MKLN1: variants seen among roughly 807,000 people sequenced by gnomAD.
MKLN1 encodes muskelin 1.
In MKLN1, 18 loss-of-function variants were observed where a neutral mutation model predicts 99.0. The observed-to-expected ratio is 0.18, with a 90% confidence interval of 0.13 to 0.27. The LOEUF (loss-of-function observed/expected upper bound fraction) is 0.27, where lower values mean the gene tolerates loss of function less well. MKLN1 is among the 10% of genes least tolerant of loss of function. The probability of loss-of-function intolerance (pLI) is 1.00; values close to 1 mark genes in which losing one functional copy is unlikely to be tolerated. For missense variants in MKLN1, 621 were observed against 875.9 expected (o/e 0.71, Z 3.67); for synonymous variants, 288 against 293.2 (o/e 0.98, Z 0.18).
intron 1 of MKLN1, among the ~76,000 whole-genome samples, chr7:131,345,718 A>C (rs1273245608): frequency 6.6e-6 from 1 of 152,200 alleles, no homozygotes; most frequent in African/African-American, 2.4e-5. Context: ...TGTCTCAAAA[A>C]AAAAATTTAA....
At chr7:131,276,737 G>A (rs947905861) in intron 3 of MKLN1, among the ~76,000 whole-genome samples, 1 of 152,126 alleles carries the variant, frequency 6.6e-6, no homozygotes, top group African/African-American at 2.4e-5. Context: ...GAGATTTGGG[G>A]GTCATTTGTT....
chr7:131,115,287 A>G (rs1161057781), intron 1 of MKLN1, among the ~76,000 whole-genome samples: 1 of 152,184 alleles, frequency 6.6e-6, no homozygotes, highest in Non-Finnish European at 1.5e-5. Context: ...GCTCAACACA[A>G]AAAGCATGTA....
At chr7:131,449,740 A>G (rs1270888715) in intron 12 of MKLN1, among the ~76,000 whole-genome samples, 1 of 150,876 alleles carries the variant, frequency 6.6e-6, no homozygotes, top group Middle Eastern at 3.2e-3. Flanking sequence ...CTCCTCCCCC[A>G]ACTTTCTCTC....
chr7:131,443,624 A>C lies in MKLN1; in HGVS notation c.1317A>C (p.Lys439Asn). 2 of 1,614,148 alleles carry C rather than the reference A, an allele frequency of 1.2e-6. No homozygotes were observed. The highest frequency in any genetic ancestry group is 1.7e-6 in the Non-Finnish European group (2 of 1,180,000). ...TCAACTGTCAATGTCAAACCTGGAA[A>C]CTTCTTCGAGAGGACTCCTGTAATG... ...FAFNCQCQTWKLLREDSCNAG... is the reference protein window; with the variant it reads ...FAFNCQCQTWNLLREDSCNAG... The change falls in exon 11 of 18, where the codon AAA (lysine) becomes AAC (asparagine). Residue 439 changes from lysine (K) to asparagine (N), a missense_variant. Physicochemically the swap from Lys to Asn is moderately conservative, Grantham distance 94. Around this residue, in one of 8 missense-constraint regions of MKLN1, gnomAD observed 361 missense variants for 540.8 expected, o/e 0.67. Coordinates refer to ENST00000352689, the MANE Select transcript of MKLN1 (RefSeq NM_013255.5).
At chr7:131,201,510 T>C (rs748724765) in intron 2 of MKLN1, among the ~76,000 whole-genome samples, 12 of 152,342 alleles carry the variant, frequency 7.9e-5, no homozygotes, top group Non-Finnish European at 1.6e-4. Flanking sequence ...AGAAGGCTAC[T>C]ACTTCTAGGC....
intron 3 of MKLN1, among the ~76,000 whole-genome samples, chr7:131,317,533 A>G (rs1426217713): frequency 6.6e-6 from 1 of 152,214 alleles, no homozygotes. Context: ...GACACTATGA[A>G]GAAACTGCAT....
intron 3 of MKLN1, among the ~76,000 whole-genome samples, chr7:131,289,347 C>T (rs1029303776): frequency 1.3e-5 from 2 of 152,174 alleles, no homozygotes; most frequent in African/African-American, 4.8e-5. Context: ...TACAAGTAGC[C>T]AGGTGTGGTG....
intron 1 of MKLN1, among the ~76,000 whole-genome samples, chr7:131,359,807 C>CA (rs1799977304): frequency 6.6e-6 from 1 of 151,774 alleles, no homozygotes; most frequent in Non-Finnish European, 1.5e-5. Context: ...GATCTCAGTT[C>CA]ACTGCAACCT....
intron 3 of MKLN1, among the ~76,000 whole-genome samples, chr7:131,299,397 G>C (rs2116615744): frequency 6.6e-6 from 1 of 152,214 alleles, no homozygotes; most frequent in Non-Finnish European, 1.5e-5. Flanking sequence ...GCCAATACAG[G>C]AAATTATAAG....
intron 1 of MKLN1, among the ~76,000 whole-genome samples, chr7:131,356,139 C>A (rs529634290): frequency 6.7e-5 from 10 of 148,252 alleles, no homozygotes; most frequent in African/African-American, 2.0e-4. Flanking sequence ...GCCAAGCAAG[C>A]GACTTGAGAA....
At chr7:131,218,588 G>A (rs967685842) in intron 3 of MKLN1, among the ~76,000 whole-genome samples, 4 of 152,148 alleles carry the variant, frequency 2.6e-5, no homozygotes, top group South Asian at 2.1e-4. Flanking sequence ...CTTCACTGTC[G>A]TAATTTTTGT....
At chr7:131,390,467 T>A (rs185581382) in intron 4 of MKLN1, among the ~76,000 whole-genome samples, 2 of 152,274 alleles carry the variant, frequency 1.3e-5, no homozygotes, top group East Asian at 3.9e-4. Context: ...TTTCCAGCCC[T>A]GTCAGCCTTT....
chr7:131,434,912 A>G (rs906330749), intron 9 of MKLN1, among the ~76,000 whole-genome samples: 7 of 152,170 alleles, frequency 4.6e-5, no homozygotes, highest in Non-Finnish European at 2.9e-5. Flanking sequence ...TTCCAGAGCA[A>G]TGTTAAATAT....
chr7:131,421,514 C>G (rs982214638), intron 8 of MKLN1, among the ~76,000 whole-genome samples: 4 of 152,134 alleles, frequency 2.6e-5, no homozygotes, highest in Non-Finnish European at 2.9e-5. Context: ...CTACCCCTGA[C>G]TTCTTATTCG....
At chr7:131,422,978 A>G (rs972123066) in intron 8 of MKLN1, among the ~76,000 whole-genome samples, 4 of 152,190 alleles carry the variant, frequency 2.6e-5, no homozygotes, top group African/African-American at 9.7e-5. Flanking sequence ...AGATTCTTCA[A>G]CTGTGACTTG....
intron 12 of MKLN1, among the ~76,000 whole-genome samples, chr7:131,459,235 C>A (rs1796440946): frequency 6.6e-6 from 1 of 152,150 alleles, no homozygotes; most frequent in Admixed American, 6.5e-5. Context: ...TGGGGCAGGA[C>A]CCTGCTACAG....
chr7:131,309,697 A>G (rs9649559), intron 3 of MKLN1: 70,080 of 145,018 alleles, frequency 0.48, 17,558 homozygotes, highest in Admixed American at 0.59. Flanking sequence ...ACAGGTGTGA[A>G]CCACCACACT....
chr7:131,279,172 G>A (rs1798015833), intron 3 of MKLN1, among the ~76,000 whole-genome samples: 1 of 152,162 alleles, frequency 6.6e-6, no homozygotes, highest in Admixed American at 6.5e-5. Context: ...AGGCAGATAG[G>A]AAACTAGTAA....
At chr7:131,192,100 A>ATATATATAATATATATACG (rs1563247140) in intron 2 of MKLN1, among the ~76,000 whole-genome samples, 2 of 98,022 alleles carry the variant, frequency 2.0e-5, no homozygotes, top group African/African-American at 8.3e-5. Flanking sequence ...ATATATATGT[A>ATATATATAATATATATACG]TATATATATT....
Sources: gnomAD v4.1 joint callset for allele counts (sites outside exome capture counted in the v4.1 genomes callset) on GRCh38, gnomAD v4.1.1 for gene constraint, gnomAD v4.1.1 regional missense constraint, MANE v1.5 for transcripts, NCBI Gene and HGNC (gene_info 2026-07-23, HGNC 2026-07-21) for gene names.